Variants in KCNT2 observed in about 807,000 individuals in gnomAD.
The protein encoded by KCNT2 is potassium channel subfamily T member 2.
Under a neutral mutation model 153.8 loss-of-function variants are expected in KCNT2, and 67 were observed. The observed-to-expected ratio is 0.44, with a 90% confidence interval of 0.36 to 0.53. KCNT2 has a LOEUF of 0.53. KCNT2 is among the 20% of genes least tolerant of loss of function. The probability of loss-of-function intolerance (pLI) is 0.00; values close to 1 mark genes in which losing one functional copy is unlikely to be tolerated. For missense variants in KCNT2, 975 were observed against 1,354.8 expected (o/e 0.72, Z 4.40); for synonymous variants, 500 against 458.8 (o/e 1.09, Z -1.15).
chr1:196,319,374 T>C, intron 20 of KCNT2, 110 bp downstream of exon 20: 1 of 569,362 alleles, frequency 1.8e-6, no homozygotes, highest in Non-Finnish European at 3.1e-6. Flanking sequence ...ATATATCATA[T>C]TTGCAATACT....
intron 22 of KCNT2, among the ~76,000 whole-genome samples, chr1:196,304,627 A>G (rs1661465033): frequency 6.6e-6 from 1 of 152,082 alleles, no homozygotes; most frequent in South Asian, 2.1e-4. Flanking sequence ...AAAACCATCT[A>G]CACCCACACT....
intron 8 of KCNT2, among the ~76,000 whole-genome samples, chr1:196,450,041 AT>A (rs1044197130): frequency 7.2e-5 from 11 of 151,982 alleles, no homozygotes; most frequent in Admixed American, 1.3e-4. Flanking sequence ...AAATAAAAAA[AT>A]ATTCTCAAAT....
At chr1:196,409,096 A>G (rs946424466) in intron 12 of KCNT2, among the ~76,000 whole-genome samples, 18 of 147,524 alleles carry the variant, frequency 1.2e-4, no homozygotes, top group Admixed American at 8.2e-4. Context: ...TAATGCATTG[A>G]TCCTTTACTC....
intron 13 of KCNT2, among the ~76,000 whole-genome samples, chr1:196,390,335 C>T (rs1670365279): frequency 1.3e-5 from 2 of 151,372 alleles, no homozygotes; most frequent in African/African-American, 4.8e-5. Context: ...GACTATGAAT[C>T]AATAAGTTCA....
chr1:196,235,593 A>T (rs1558052721), intron 27 of KCNT2, among the ~76,000 whole-genome samples: 2 of 151,288 alleles, frequency 1.3e-5, no homozygotes, highest in East Asian at 3.9e-4. Flanking sequence ...AATTAGTCCC[A>T]TAGAACTTTT....
intron 8 of KCNT2, among the ~76,000 whole-genome samples, chr1:196,443,502 G>A (rs184932227): frequency 3.6e-4 from 55 of 151,408 alleles, no homozygotes; most frequent in East Asian, 2.0e-4. Context: ...AGATCAAACA[G>A]GTTTACATAT....
intron 1 of KCNT2, among the ~76,000 whole-genome samples, chr1:196,542,749 G>C (rs1295653247): frequency 6.6e-6 from 1 of 152,054 alleles, no homozygotes; most frequent in Non-Finnish European, 1.5e-5. Context: ...TGCCAAACTT[G>C]ACTATGGGAA....
intron 1 of KCNT2, among the ~76,000 whole-genome samples, chr1:196,514,686 A>G (rs915919039): frequency 6.6e-6 from 1 of 152,208 alleles, no homozygotes; most frequent in African/African-American, 2.4e-5. Flanking sequence ...TTATATACCA[A>G]TGTACATACT....
chr1:196,235,193 A>T (rs989422127), intron 27 of KCNT2, among the ~76,000 whole-genome samples: 2 of 151,392 alleles, frequency 1.3e-5, no homozygotes, highest in Non-Finnish European at 3.0e-5. Context: ...CTCCAGTCAA[A>T]TTGACACTGA....
At chr1:196,596,051 GATGTGTATATATATATATAT>G (rs1664023539) in intron 1 of KCNT2, among the ~76,000 whole-genome samples, 1 of 87,188 alleles carries the variant, frequency 1.1e-5, no homozygotes, top group African/African-American at 6.3e-5. Flanking sequence ...TGTATTCCAT[GATGTGTATATATATATATAT>G]ATATATATAT....
chr1:196,558,818 T>C (rs982416998), intron 1 of KCNT2, among the ~76,000 whole-genome samples: 2 of 151,548 alleles, frequency 1.3e-5, no homozygotes, highest in African/African-American at 4.8e-5. Flanking sequence ...TTAAATCAAA[T>C]GTGTGAGCTT....
rs1342529069 is a variant in KCNT2, at chr1:196,435,135, GTATGTATATATATATATATA to G, written c.639-5398_639-5379del. On this transcript the variant is annotated intron_variant, in intron 8 of 27. Transcript: ENST00000294725. ...GCAATAGATACTTATGTGTGTGTGT[GTATGTATATATATATATATA>G]TATATATATATATATATATATATAT... Among the ~76,000 whole-genome samples the G allele has an allele frequency of 5.5e-3, 422 of 76,872 alleles. 7 individuals carry two copies. The highest frequency in any genetic ancestry group is 0.02 in the African/African-American group (408 of 20,754). The allele number at this position is 76,872 out of a possible 152,430, so 50.4% of individuals were successfully genotyped here. A position where few individuals can be genotyped will look rare whatever the true frequency, so the allele number is the denominator to read the frequency against.
Position 196,379,742 on chromosome 1 carries a change from G to A in KCNT2, c.1295-6494C>T, listed in dbSNP as rs187331275. Among the ~76,000 whole-genome samples the A allele has an allele frequency of 1.8e-3, 269 of 152,202 alleles. 3 individuals carry two copies. Among genetic ancestry groups the A allele is most frequent in the Admixed American group, 6.9e-3 (106 of 15,278 alleles). ...TTCACTATTGCTTGTTAAGACATAA[G>A]CACATGAGATCAAGTGGTCAAGTGG... On this transcript the variant is annotated intron_variant, in intron 13 of 27. Coordinates refer to ENST00000294725, the MANE Select transcript of KCNT2 (RefSeq NM_198503.5).
Position 196,345,439 on chromosome 1 carries a change from T to C in KCNT2, c.1404-3211A>G, listed in dbSNP as rs1309599034. ...GCTAAGGAAGAGCAGGGAAGCCAGT[T>C]TAGCTGGAATTCAGGGAGGGGGAGA... On this transcript the variant is annotated intron_variant, in intron 14 of 27. Transcript: ENST00000294725. Among the ~76,000 whole-genome samples, 4 of 152,044 alleles carry C rather than the reference T, an allele frequency of 2.6e-5. No homozygotes were observed. The East Asian group carries it at 7.7e-4, about 29-fold the overall frequency.
chr1:196,262,048 G>A (rs1657076804), intron 25 of KCNT2, among the ~76,000 whole-genome samples: 1 of 151,312 alleles, frequency 6.6e-6, no homozygotes, highest in Admixed American at 6.6e-5. Flanking sequence ...GATTTTTAAG[G>A]CTAAAAGTAT....
intron 26 of KCNT2, among the ~76,000 whole-genome samples, chr1:196,249,718 T>C (rs1284370739): frequency 6.6e-6 from 1 of 151,626 alleles, no homozygotes; most frequent in African/African-American, 2.4e-5. Flanking sequence ...GGTTACGTAG[T>C]GAGCTGACAT....
At chr1:196,601,388 C>T (rs559067332) in intron 1 of KCNT2, among the ~76,000 whole-genome samples, 6 of 152,168 alleles carry the variant, frequency 3.9e-5, no homozygotes, top group South Asian at 4.1e-4. Flanking sequence ...ATATCGGTTT[C>T]CACTACTGTA....
At chr1:196,537,026 C>T (rs902404293) in intron 1 of KCNT2, among the ~76,000 whole-genome samples, 3 of 152,192 alleles carry the variant, frequency 2.0e-5, no homozygotes, top group Non-Finnish European at 2.9e-5. Flanking sequence ...CATGCACTGC[C>T]GTAGGCCTCA....
chr1:196,512,111 C>G (rs1436124382), intron 1 of KCNT2, among the ~76,000 whole-genome samples: 1 of 152,116 alleles, frequency 6.6e-6, no homozygotes, highest in East Asian at 1.9e-4. Context: ...CTTATTCTAT[C>G]AGCATTAGGC....
Sources: allele counts gnomAD v4.1 joint callset (sites outside exome capture counted in the v4.1 genomes callset), GRCh38; gene constraint gnomAD v4.1.1; transcripts MANE v1.5; gene names NCBI Gene and HGNC (gene_info 2026-07-23, HGNC 2026-07-21).